The following SUGCT variants were observed in gnomAD, a reference collection of about 807,000 sequenced individuals.
SUGCT encodes succinyl-CoA:glutarate-CoA transferase.
Under a neutral mutation model 55.0 loss-of-function variants are expected in SUGCT, and 41 were observed. The ratio of observed to expected loss-of-function variants is 0.74; its 90% confidence interval spans 0.58 to 0.97. The LOEUF (loss-of-function observed/expected upper bound fraction) is 0.97, where lower values mean the gene tolerates loss of function less well. Ranked by LOEUF, SUGCT falls within the 50% of genes least tolerant of loss-of-function variation. The pLI is 0.00. For missense variants in SUGCT, 568 were observed against 547.8 expected, an observed-to-expected ratio of 1.04 and a Z score of -0.37; for synonymous variants, 187 against 200.4, an observed-to-expected ratio of 0.93 and a Z score of 0.56.
intron 9 of SUGCT, among the ~76,000 whole-genome samples, chr7:40,398,555 C>T (rs1210887958): frequency 1.4e-5 from 2 of 146,898 alleles, no homozygotes; most frequent in Non-Finnish European, 3.0e-5. Context: ...TTATATCTCC[C>T]TAAATTATGC....
chr7:40,564,190 G>A (rs1226260307), intron 12 of SUGCT, among the ~76,000 whole-genome samples: 1 of 152,092 alleles, frequency 6.6e-6, no homozygotes, highest in Non-Finnish European at 1.5e-5. Context: ...TGGCTAACAC[G>A]GTGAAACCCC....
chr7:40,927,169 A>G, the SUGCT span, among the ~76,000 whole-genome samples: 1 of 152,210 alleles, frequency 6.6e-6, no homozygotes, highest in Non-Finnish European at 1.5e-5. Flanking sequence ...GCAAAGGAAA[A>G]TGTAGCTACT....
At chr7:40,467,514 G>A (rs971085479) in intron 11 of SUGCT, among the ~76,000 whole-genome samples, 1 of 152,142 alleles carries the variant, frequency 6.6e-6, no homozygotes, top group South Asian at 2.1e-4. Context: ...CTACTCTGTT[G>A]TGCTAGCAAA....
intron 12 of SUGCT, among the ~76,000 whole-genome samples, chr7:40,728,144 T>C (rs1786704663): frequency 6.6e-6 from 1 of 152,196 alleles, no homozygotes; most frequent in South Asian, 2.1e-4. Context: ...ACTAAACCCA[T>C]TATATAAATT....
chr7:40,660,984 C>T (rs1016501513), intron 12 of SUGCT, among the ~76,000 whole-genome samples: 2 of 152,182 alleles, frequency 1.3e-5, no homozygotes, highest in African/African-American at 4.8e-5. Context: ...CAACTGTCTA[C>T]TTGGCGCCAC....
the SUGCT span, among the ~76,000 whole-genome samples, chr7:41,022,699 G>A: frequency 1.4e-4 from 22 of 152,092 alleles, no homozygotes; most frequent in African/African-American, 5.3e-4. Flanking sequence ...AAAATGTTTA[G>A]GGCAAGAGTA....
intron 13 of SUGCT, among the ~76,000 whole-genome samples, chr7:40,828,655 C>A (rs1248039093): frequency 1.3e-5 from 2 of 149,092 alleles, no homozygotes; most frequent in Non-Finnish European, 3.0e-5. Flanking sequence ...TTACCCTTTA[C>A]ATTAATTTGA....
the SUGCT span, among the ~76,000 whole-genome samples, chr7:40,949,835 C>T: frequency 6.6e-6 from 1 of 152,164 alleles, no homozygotes; most frequent in South Asian, 2.1e-4. Flanking sequence ...GGTACCAGTA[C>T]CATGCTGTTT....
chr7:40,487,474 T>C (rs1791444853), intron 11 of SUGCT, among the ~76,000 whole-genome samples: 1 of 151,888 alleles, frequency 6.6e-6, no homozygotes, highest in African/African-American at 2.4e-5. Context: ...ATATTTTACA[T>C]GTAGTAGAGA....
chr7:40,986,212 A>C, the SUGCT span, among the ~76,000 whole-genome samples: 2 of 152,224 alleles, frequency 1.3e-5, no homozygotes, highest in East Asian at 3.8e-4. Context: ...GAAAATGCTT[A>C]TTTAATGTTC....
intron 9 of SUGCT, among the ~76,000 whole-genome samples, chr7:40,396,515 A>AAAAAC (rs1785738447): frequency 6.6e-6 from 1 of 152,200 alleles, no homozygotes. Context: ...CCTGTAAGAA[A>AAAAAC]AAAACAATTT....
chr7:40,766,168 C>A (rs1269337039), intron 13 of SUGCT, among the ~76,000 whole-genome samples: 2 of 152,100 alleles, frequency 1.3e-5, no homozygotes, highest in Non-Finnish European at 2.9e-5. Flanking sequence ...ATATACAAAT[C>A]CTGTTGTCAG....
At chr7:40,541,353 C>T (rs564607181) in intron 12 of SUGCT, among the ~76,000 whole-genome samples, 7 of 152,250 alleles carry the variant, frequency 4.6e-5, no homozygotes, top group East Asian at 1.9e-4. Context: ...TTCTAGAGAA[C>T]GGTTTGTCAT....
At chr7:40,283,148 T>G (rs931369448) in intron 8 of SUGCT, among the ~76,000 whole-genome samples, 1 of 152,044 alleles carries the variant, frequency 6.6e-6, no homozygotes, top group Admixed American at 6.6e-5. Context: ...GATAAGGGGT[T>G]GTTATCCAAA....
intron 7 of SUGCT, among the ~76,000 whole-genome samples, chr7:40,242,933 A>ATATATATATATATGTATATTTT (rs1270335224): frequency 5.8e-5 from 1 of 17,204 alleles, no homozygotes; most frequent in African/African-American, 1.5e-4. Flanking sequence ...ATATATATAT[A>ATATATATATATATGTATATTTT]TTTTTTTTTT....
At chr7:40,390,898 A>G (rs1234303301) in intron 9 of SUGCT, among the ~76,000 whole-genome samples, 2 of 152,244 alleles carry the variant, frequency 1.3e-5, no homozygotes, top group Non-Finnish European at 2.9e-5. Flanking sequence ...ACAAGGCTAC[A>G]GTAACCAAAA....
chr7:40,171,928 G>A (rs1173803051), intron 1 of SUGCT, among the ~76,000 whole-genome samples: 1 of 152,148 alleles, frequency 6.6e-6, no homozygotes, highest in African/African-American at 2.4e-5. Context: ...AAGGAATAGG[G>A]TATATACTGT....
the SUGCT span, among the ~76,000 whole-genome samples, chr7:41,029,203 G>A: frequency 3.3e-5 from 5 of 152,134 alleles, no homozygotes; most frequent in African/African-American, 4.8e-5. Context: ...ACTCCATGAC[G>A]TGAGCATGAG....
At chr7:40,534,275 T>A (rs1447861517) in intron 12 of SUGCT, among the ~76,000 whole-genome samples, 1 of 152,246 alleles carries the variant, frequency 6.6e-6, no homozygotes, top group Non-Finnish European at 1.5e-5. Flanking sequence ...ATTTAATAAT[T>A]CTAAGGACAT....
Sources: gnomAD v4.1 joint callset for allele counts (sites outside exome capture counted in the v4.1 genomes callset) on GRCh38, gnomAD v4.1.1 for gene constraint, MANE v1.5 for transcripts, NCBI Gene and HGNC (gene_info 2026-07-23, HGNC 2026-07-21) for gene names.